PITPNC1: variants seen among roughly 807,000 people sequenced by gnomAD.
PITPNC1 encodes the protein cytoplasmic phosphatidylinositol transfer protein 1.
PITPNC1 carries 18 observed loss-of-function variants against 44.7 expected under a neutral mutation model. That is an observed-to-expected ratio of 0.40 (90% CI 0.28 to 0.60). The LOEUF is 0.60. PITPNC1 is among the 20% of genes least tolerant of loss of function. The pLI is 0.39. For synonymous variants in PITPNC1, 141 were observed against 149.6 expected (o/e 0.94, Z 0.42); for missense variants, 290 against 418.4 (o/e 0.69, Z 2.68).
At chr17:67,471,329 G>T (rs1210022470) in intron 1 of PITPNC1, among the ~76,000 whole-genome samples, 5 of 150,798 alleles carry the variant, frequency 3.3e-5, no homozygotes, top group African/African-American at 1.2e-4. Flanking sequence ...CCCCTGAATG[G>T]ATATACCACA....
intron 7 of PITPNC1, 122 bp from the exon 8 acceptor site, chr17:67,675,357 C>T (rs2042583408): frequency 2.7e-6 from 2 of 742,024 alleles, no homozygotes; most frequent in Admixed American, 4.0e-5. Context: ...TTGTCATCAC[C>T]TATGGACAGA....
chr17:67,575,415 A>C lies in PITPNC1; in HGVS notation c.295-2771A>C, dbSNP rs901757831. On this transcript the variant is annotated intron_variant, in intron 4 of 8. Coordinates refer to ENST00000581322, the MANE Select transcript of PITPNC1 (RefSeq NM_012417.4). Reference sequence around the variant, plus strand: ...GAATAATCGCAGGGCCTTGTTCTCCATAAAGGCAATTACTGGGATTGATTG... The same window carrying C: ...GAATAATCGCAGGGCCTTGTTCTCCCTAAAGGCAATTACTGGGATTGATTG... Among the ~76,000 whole-genome samples, 11 of 152,350 alleles carry C rather than the reference A, an allele frequency of 7.2e-5. No individual in the cohort carries two copies. The South Asian group carries it at 8.3e-4, about 11-fold the overall frequency.
At chr17:67,522,657 A>ATTTTTTTTTTTTTTTTTTTTTTTTTTT (rs1219049449) in intron 1 of PITPNC1, among the ~76,000 whole-genome samples, 7 of 59,952 alleles carry the variant, frequency 1.2e-4, no homozygotes, top group African/African-American at 7.0e-4. Flanking sequence ...TACCATTTTA[A>ATTTTTTTTTTTTTTTTTTTTTTTTTTT]TCTTTTTTTT....
intron 6 of PITPNC1, among the ~76,000 whole-genome samples, chr17:67,651,300 G>A (rs1359876792): frequency 6.6e-6 from 1 of 152,146 alleles, no homozygotes; most frequent in East Asian, 1.9e-4. Context: ...ATCACCTGAG[G>A]TCAGGAGCTT....
chr17:67,454,590 G>C (rs995651192), intron 1 of PITPNC1, among the ~76,000 whole-genome samples: 1 of 152,038 alleles, frequency 6.6e-6, no homozygotes, highest in Non-Finnish European at 1.5e-5. Flanking sequence ...CTGCATTGGA[G>C]TATGAACTTG....
At chr17:67,543,180 C>T (rs1254895404) in intron 2 of PITPNC1, among the ~76,000 whole-genome samples, 2 of 152,180 alleles carry the variant, frequency 1.3e-5, no homozygotes, top group Non-Finnish European at 2.9e-5. Context: ...ATGATGACAG[C>T]CATCTTTAAG....
rs570662803 is a variant in PITPNC1 at position 67,679,998 on chromosome 17, G to A, written c.682+4456G>A. On this transcript the variant is annotated intron_variant, in intron 8 of 8. Transcript: ENST00000581322. ...ACCTGACTCTAACCAAAAAGTATGA[G>A]GGAGGGAGAGTTCTGGCTGCTGTAG... Among the ~76,000 whole-genome samples, 15 of 152,304 alleles carry A rather than the reference G, an allele frequency of 9.8e-5. No individual in the cohort carries two copies. In the South Asian group the frequency reaches 2.9e-3, roughly 29 times the overall value.
rs138624571 is a variant in PITPNC1 at position 67,477,050 on chromosome 17, C to T, written c.49-55752C>T. On this transcript the variant is annotated intron_variant, in intron 1 of 8. Transcript: ENST00000581322. Reference sequence around the variant, plus strand: ...AGTGTTGCTTTTGAGATCAGACATACAGTGCTATCCATTGGTGTCTGTGGA... The same window carrying T: ...AGTGTTGCTTTTGAGATCAGACATATAGTGCTATCCATTGGTGTCTGTGGA... 6.0e-4 allele frequency among the ~76,000 whole-genome samples: 91 copies of T among 152,208 alleles called. 1 individual carries two copies. The East Asian group carries it at 9.9e-3, about 16-fold the overall frequency.
At chr17:67,505,726 T>G (rs1052601771) in intron 1 of PITPNC1, among the ~76,000 whole-genome samples, 10 of 152,112 alleles carry the variant, frequency 6.6e-5, no homozygotes, top group African/African-American at 2.4e-4. Context: ...CCACCCACCT[T>G]GGCCTCCCAA....
chr17:67,536,826 G>A (rs1232350978), intron 2 of PITPNC1, among the ~76,000 whole-genome samples: 2 of 152,170 alleles, frequency 1.3e-5, no homozygotes, highest in Non-Finnish European at 2.9e-5. Context: ...AAAGAGGGAC[G>A]TTCAAGGAGC....
intron 5 of PITPNC1, among the ~76,000 whole-genome samples, chr17:67,601,511 G>T (rs543932985): frequency 4.6e-5 from 7 of 152,252 alleles, no homozygotes; most frequent in African/African-American, 1.7e-4. Flanking sequence ...AGCACTGTGG[G>T]AGGCTGGAGA....
intron 1 of PITPNC1, among the ~76,000 whole-genome samples, chr17:67,503,057 A>G (rs1390419636): frequency 6.6e-6 from 1 of 152,138 alleles, no homozygotes; most frequent in Non-Finnish European, 1.5e-5. Flanking sequence ...TGGCCTCCCA[A>G]AGTGCTGGGA....
chr17:67,382,996 A>G (rs560117777), intron 1 of PITPNC1, among the ~76,000 whole-genome samples: 14 of 150,160 alleles, frequency 9.3e-5, no homozygotes, highest in East Asian at 6.0e-4. Context: ...TTATTTATTT[A>G]TTTGTTTGTT....
Position 67,541,675 on chromosome 17 carries a change from A to T in PITPNC1, c.197+8725A>T, listed in dbSNP as rs116007873. Among the ~76,000 whole-genome samples the T allele has an allele frequency of 9.0e-3, 1,371 of 152,336 alleles. 15 individuals are homozygous for T. Among genetic ancestry groups the T allele is most frequent in the African/African-American group, 0.031 (1,306 of 41,562 alleles). ...ATGGCACACTTTAAAATGGATATAG[A>T]CAAACTATATCTAGAAACTCAAGTG... On this transcript the variant is annotated intron_variant, in intron 2 of 8. Coordinates refer to ENST00000581322, the MANE Select transcript of PITPNC1 (RefSeq NM_012417.4).
At chr17:67,427,356 G>T (rs1398134404) in intron 1 of PITPNC1, among the ~76,000 whole-genome samples, 1 of 151,988 alleles carries the variant, frequency 6.6e-6, no homozygotes, top group Non-Finnish European at 1.5e-5. Context: ...GACCACAGGC[G>T]CCCGCAACCA....
chr17:67,518,323 A>G (rs1421209792), intron 1 of PITPNC1, among the ~76,000 whole-genome samples: 1 of 152,188 alleles, frequency 6.6e-6, no homozygotes, highest in East Asian at 1.9e-4. Flanking sequence ...CCTTTTTGAC[A>G]TTAAAGAGAT....
chr17:67,469,842 AAAGC>A (rs1401897902), intron 1 of PITPNC1, among the ~76,000 whole-genome samples: 2 of 152,208 alleles, frequency 1.3e-5, no homozygotes, highest in Non-Finnish European at 2.9e-5. Flanking sequence ...GGATAAAAAC[AAAGC>A]AATAGCAGGG....
At chr17:67,507,045 G>A (rs2949939) in intron 1 of PITPNC1, among the ~76,000 whole-genome samples, 14,508 of 152,112 alleles carry the variant, frequency 0.095, 886 homozygotes, top group African/African-American at 0.17. Context: ...TAATGACATA[G>A]ACCCACTCGT....
chr17:67,628,441 C>CAA (rs2041922565), intron 5 of PITPNC1, among the ~76,000 whole-genome samples: 1 of 152,112 alleles, frequency 6.6e-6, no homozygotes, highest in African/African-American at 2.4e-5. Context: ...AATTATTGAT[C>CAA]TCTGATGGGA....
Sources: gnomAD v4.1 joint callset for allele counts (sites outside exome capture counted in the v4.1 genomes callset) on GRCh38, gnomAD v4.1.1 for gene constraint, MANE v1.5 for transcripts, NCBI Gene and HGNC (gene_info 2026-07-23, HGNC 2026-07-21) for gene names.